Variants in NPAS3 observed in about 807,000 individuals in gnomAD.
NPAS3 encodes neuronal PAS domain protein 3.
A neutral mutation model predicts 73.1 loss-of-function variants in NPAS3; 14 were observed. The ratio of observed to expected loss-of-function variants is 0.19; its 90% CI spans 0.13 to 0.30. NPAS3 has a LOEUF of 0.30. NPAS3 is among the 10% of genes least tolerant of loss of function. The pLI is 1.00. For missense variants in NPAS3, 1,096 were observed against 1,250.0 expected (o/e 0.88, Z 1.86); for synonymous variants, 620 against 541.5 (o/e 1.14, Z -2.01).
intron 9 of NPAS3, among the ~76,000 whole-genome samples, chr14:33,790,918 C>T (rs911853516): frequency 6.6e-6 from 1 of 152,222 alleles, no homozygotes; most frequent in African/African-American, 2.4e-5. Flanking sequence ...ATCCATCCAC[C>T]TTGGCCTCCC....
Position 33,207,271 on chromosome 14 carries a change from A to G in NPAS3, c.141-7911A>G, listed in dbSNP as rs865853588. 7.2e-3 allele frequency among the ~76,000 whole-genome samples: 960 copies of G among 132,486 alleles called. 10 individuals are homozygous for G. The highest frequency in any genetic ancestry group is 0.03 in the African/African-American group (919 of 30,234). The allele number at this position is 132,486 out of a possible 152,430, so 86.9% of individuals were successfully genotyped here. The stretch of plus-strand genomic sequence containing the variant: ...CACACACACACACACACACACGCAC[A>G]CACACACACACACACACACAGTTGT... On this transcript the variant is annotated intron_variant, in intron 2 of 11. Coordinates refer to ENST00000356141, the Ensembl canonical transcript of NPAS3.
chr14:33,154,141 G>C (rs1308926516), intron 2 of NPAS3, among the ~76,000 whole-genome samples: 1 of 152,050 alleles, frequency 6.6e-6, no homozygotes, highest in African/African-American at 2.4e-5. Context: ...GTCCTAATTT[G>C]GATTACCATT....
chr14:32,935,074 C>A, upstream of NPAS3: 1 of 940,160 alleles, frequency 1.1e-6, no homozygotes. Context: ...ACTTTGCCTC[C>A]TGTTTTGTGT....
At chr14:33,258,088 G>A (rs1321347036) in intron 3 of NPAS3, among the ~76,000 whole-genome samples, 5 of 152,128 alleles carry the variant, frequency 3.3e-5, no homozygotes, top group Non-Finnish European at 5.9e-5. Flanking sequence ...TTGCTGCTAA[G>A]GTACTTATGA....
intron 3 of NPAS3, among the ~76,000 whole-genome samples, chr14:33,333,994 G>C: frequency 6.6e-6 from 1 of 152,080 alleles, no homozygotes; most frequent in South Asian, 2.1e-4. Context: ...ATGGAAGAGA[G>C]AAATCTTAGG....
intron 2 of NPAS3, among the ~76,000 whole-genome samples, chr14:33,212,126 C>T (rs928181522): frequency 6.6e-6 from 1 of 152,212 alleles, no homozygotes; most frequent in African/African-American, 2.4e-5. Flanking sequence ...CCCTACTTTA[C>T]ATAAGCGAGT....
At chr14:33,010,247 G>T (rs1214340687) in intron 1 of NPAS3, among the ~76,000 whole-genome samples, 1 of 152,182 alleles carries the variant, frequency 6.6e-6, no homozygotes, top group Non-Finnish European at 1.5e-5. Flanking sequence ...CCAGGGTGGA[G>T]AACGTCCCTA....
intron 3 of NPAS3, among the ~76,000 whole-genome samples, chr14:33,284,245 G>T (rs192519244): frequency 1.3e-5 from 2 of 151,958 alleles, no homozygotes; most frequent in African/African-American, 4.8e-5. Context: ...TGGATACCTC[G>T]CATACCCTCA....
intron 3 of NPAS3, among the ~76,000 whole-genome samples, chr14:33,296,310 G>C (rs999121389): frequency 1.2e-4 from 19 of 152,134 alleles, no homozygotes; most frequent in African/African-American, 4.1e-4. Flanking sequence ...ACATCATTCA[G>C]TATGTGTACA....
At chr14:33,776,142 A>G (rs1013195125) in intron 8 of NPAS3, among the ~76,000 whole-genome samples, 5 of 152,180 alleles carry the variant, frequency 3.3e-5, no homozygotes, top group East Asian at 3.9e-4. Context: ...CTTTTCATAC[A>G]TATGTACCCA....
intron 1 of NPAS3, among the ~76,000 whole-genome samples, chr14:33,019,717 C>T (rs890811557): frequency 2.0e-5 from 3 of 152,114 alleles, no homozygotes; most frequent in South Asian, 2.1e-4. Flanking sequence ...AATCAATATT[C>T]GTTTGGAGTG....
intron 3 of NPAS3, among the ~76,000 whole-genome samples, chr14:33,281,874 T>G (rs371036657): frequency 6.6e-6 from 1 of 152,334 alleles, no homozygotes; most frequent in South Asian, 2.1e-4. Flanking sequence ...GTGCAAACTT[T>G]GACAGTTACA....
chr14:33,655,946 G>A (rs1215204310), intron 5 of NPAS3, among the ~76,000 whole-genome samples: 2 of 152,174 alleles, frequency 1.3e-5, no homozygotes, highest in African/African-American at 4.8e-5. Flanking sequence ...TAAATTATGG[G>A]AATAACTCTT....
intron 1 of NPAS3, among the ~76,000 whole-genome samples, chr14:32,975,328 C>T (rs553162547): frequency 1.3e-5 from 2 of 150,446 alleles, no homozygotes; most frequent in East Asian, 4.0e-4. Context: ...CTCCCTGCCT[C>T]CTTCCCTTTT....
intron 2 of NPAS3, among the ~76,000 whole-genome samples, chr14:33,181,864 C>T (rs1482319618): frequency 2.0e-5 from 3 of 152,108 alleles, no homozygotes; most frequent in Non-Finnish European, 4.4e-5. Flanking sequence ...GCAAACAACC[C>T]TTTAGAAATG....
chr14:33,365,030 G>T lies in NPAS3; in HGVS notation c.386-2156G>T, dbSNP rs538776633. Among the ~76,000 whole-genome samples the T allele has an allele frequency of 1.5e-4, 22 of 151,308 alleles. No homozygotes were observed. The South Asian group carries it at 3.8e-3, about 26-fold the overall frequency. ...GGGGAGGGGGGAGGGGACGTGCAGT[G>T]ATTTATTTTGAACTTTGTAATTGGA... On this transcript the variant is annotated intron_variant, in intron 3 of 11. Coordinates refer to ENST00000356141, the Ensembl canonical transcript of NPAS3.
At chr14:33,648,950 C>G (rs186542586) in intron 5 of NPAS3, among the ~76,000 whole-genome samples, 2 of 152,154 alleles carry the variant, frequency 1.3e-5, no homozygotes, top group Non-Finnish European at 2.9e-5. Context: ...TTGTGAGGGT[C>G]CTTGCCTTGC....
intron 4 of NPAS3, among the ~76,000 whole-genome samples, chr14:33,470,626 G>A (rs2050738166): frequency 6.6e-6 from 1 of 152,114 alleles, no homozygotes; most frequent in Non-Finnish European, 1.5e-5. Context: ...CTAAACATAT[G>A]TAAGGTGGTT....
chr14:33,698,070 C>A (rs1246073624), intron 6 of NPAS3, among the ~76,000 whole-genome samples: 1 of 152,112 alleles, frequency 6.6e-6, no homozygotes, highest in Non-Finnish European at 1.5e-5. Context: ...AGCCCTGTGC[C>A]AGAGCTGGGC....
Sources: allele counts gnomAD v4.1 joint callset (sites outside exome capture counted in the v4.1 genomes callset), GRCh38; gene constraint gnomAD v4.1.1; transcripts MANE v1.5; gene names NCBI Gene and HGNC (gene_info 2026-07-23, HGNC 2026-07-21).